Variants in INTS1 observed in about 807,000 individuals in gnomAD.
The protein encoded by INTS1 is integrator complex subunit 1.
A neutral mutation model predicts 241.6 loss-of-function variants in INTS1; 137 were observed. That is an observed-to-expected ratio of 0.57 (90% CI 0.49 to 0.65). INTS1 has a LOEUF of 0.65. Ranked by LOEUF, INTS1 falls within the 30% of genes least tolerant of loss-of-function variation. The pLI, the probability that INTS1 is intolerant of heterozygous loss-of-function variation, is 0.00. For missense variants in INTS1, 3,073 were observed against 3,032.2 expected, an observed-to-expected ratio of 1.01 and a Z score of -0.32; for synonymous variants, 1,692 against 1,337.8, an observed-to-expected ratio of 1.26 and a Z score of -5.78.
intron 40 of INTS1, 84 bp from the exon 41 acceptor site, chr7:1,474,444 C>A: frequency 1.4e-6 from 2 of 1,398,912 alleles, no homozygotes; most frequent in East Asian, 2.5e-5. Context: ...CTGCCTGCCC[C>A]GGGAGCCAGA....
At chr7:1,498,895 G>C (rs779389864) in intron 8 of INTS1, 43 bp from the exon 9 acceptor site, 1 of 1,558,422 alleles carries the variant, frequency 6.4e-7, no homozygotes, top group African/African-American at 1.4e-5. Flanking sequence ...GGCCACCCCG[G>C]CAGGAAGACC....
At chr7:1,479,869 G>A (rs1227288239) in intron 30 of INTS1, among the ~76,000 whole-genome samples, 185 bp from the exon 31 acceptor site, 1 of 152,230 alleles carries the variant, frequency 6.6e-6, no homozygotes, top group Admixed American at 6.5e-5. Flanking sequence ...GTGAAGCAGT[G>A]AGGGACCCCA....
chr7:1,495,115 A>AGTGGACGAGC (rs5881898), intron 13 of INTS1, among the ~76,000 whole-genome samples: 1 of 151,610 alleles, frequency 6.6e-6, no homozygotes, highest in Non-Finnish European at 1.5e-5. Context: ...CGGGCTGGAC[A>AGTGGACGAGC]GCCCTTTACA....
chr7:1,480,166 G>A (rs952946893), intron 30 of INTS1, 151 bp downstream of exon 30: 122 of 861,570 alleles, frequency 1.4e-4, no homozygotes, highest in African/African-American at 1.0e-3. Flanking sequence ...AGGGTCAGGC[G>A]GTCACGCGTG....
chr7:1,477,657 G>A lies in INTS1; in HGVS notation c.4831C>T (p.Leu1611=), dbSNP rs766248517. The stretch of plus-strand genomic sequence containing the variant: ...ACTAGGAGGCCTGACGAGGGCCCCA[G>A]CCGCACGGCCTCCAGGCTGCAGGGA... ...ADGGSLEAVR[L]GPSSGLLVDW... The change falls in exon 35 of 48, where the codon CTG becomes TTG. Residue 1611 remains leucine (L), a synonymous_variant. Transcript: ENST00000404767. 2 of 1,594,338 alleles carry A rather than the reference G, an allele frequency of 1.3e-6. No homozygotes were observed. The highest frequency in any genetic ancestry group is 2.3e-5 in the East Asian group (1 of 44,160).
chr7:1,499,851 G>A (rs1434800188), intron 5 of INTS1, 33 bp downstream of exon 5: 8 of 1,599,464 alleles, frequency 5.0e-6, no homozygotes, highest in Non-Finnish European at 6.8e-6. Flanking sequence ...GTGGCGCTCT[G>A]CCATCTTCAC....
intron 10 of INTS1, 153 bp downstream of exon 10, chr7:1,498,259 C>CCCA: frequency 8.4e-7 from 1 of 1,192,298 alleles, no homozygotes; most frequent in Non-Finnish European, 1.2e-6. Flanking sequence ...CAACCTCATG[C>CCCA]CCACGTGAGT....
rs79245429 is a variant in INTS1, at chr7:1,498,511, G to C, written c.1326C>G (p.Ile442Met). 2.5e-6 allele frequency: 4 copies of C among 1,613,858 alleles called. No individual in the cohort carries two copies. The highest frequency in any genetic ancestry group is 3.4e-6 in the Non-Finnish European group (4 of 1,179,878). The change falls in exon 10 of 48, where the codon ATC becomes ATG. Residue 442 changes from isoleucine to methionine, a missense_variant. Physicochemically the swap from Ile to Met is conservative, Grantham distance 10. Coordinates refer to ENST00000404767, the MANE Select transcript of INTS1 (RefSeq NM_001080453.3). ...SAHKDNLGTT[I>M]KLVIFNELSS... ...AGAGCTCATTGAAGATCACCAACTTGATGGTGGTGCCCAGGTTGTCCTTGT... is the reference window on the plus strand; with the variant it reads ...AGAGCTCATTGAAGATCACCAACTTCATGGTGGTGCCCAGGTTGTCCTTGT...
Position 1,478,431 on chromosome 7 carries a change from C to A in INTS1, c.4565G>T (p.Arg1522Leu). The A allele has an allele frequency of 1.9e-6, 3 of 1,612,632 alleles. No homozygotes were observed. The highest frequency in any genetic ancestry group is 2.5e-6 in the Non-Finnish European group (3 of 1,179,804). Residue 1522 changes from arginine to leucine, a missense_variant, in exon 33 of 48, where the codon CGT (arginine) becomes CTT (leucine). By Grantham distance (102) the Arg-to-Leu change is moderately radical (BLOSUM62 -2). Coordinates refer to ENST00000404767, the MANE Select transcript of INTS1 (RefSeq NM_001080453.3). ...AGACCTCAGGGTGGCGATGACGGCACGGACGGTGGAGCTGACCACCTCCAG... is the reference window on the plus strand; with the variant it reads ...AGACCTCAGGGTGGCGATGACGGCAAGGACGGTGGAGCTGACCACCTCCAG... ...QDLEVVSSTVRAVIATLRSGE... is the reference protein window; with the variant it reads ...QDLEVVSSTVLAVIATLRSGE...
At chr7:1,475,250 T>G (rs1368818436) in intron 39 of INTS1, among the ~76,000 whole-genome samples, 1 of 151,946 alleles carries the variant, frequency 6.6e-6, no homozygotes, top group African/African-American at 2.4e-5. Flanking sequence ...CTGGGTGTGG[T>G]GGCACGTGCC....
At chr7:1,490,959 GCCA>G (rs776519327) in intron 16 of INTS1, among the ~76,000 whole-genome samples, 15 of 152,198 alleles carry the variant, frequency 9.9e-5, no homozygotes, top group Non-Finnish European at 1.9e-4. Flanking sequence ...GGCGCAACAG[GCCA>G]CCGACAGGGC....
Position 1,481,478 on chromosome 7 carries a change from G to A in INTS1, c.3714C>T (p.Asp1238=), listed in dbSNP as rs1781994420. The A allele has an allele frequency of 6.2e-7, 1 of 1,609,516 alleles. No individual in the cohort carries two copies. Among genetic ancestry groups the A allele is most frequent in the South Asian group, 1.1e-5 (1 of 91,050 alleles). The change falls in exon 28 of 48, where the codon GAC becomes GAT. Residue 1238 remains aspartate (D), a synonymous_variant. Transcript: ENST00000404767. This position sits in a 1 kb window ranked among gnomAD's most constrained non-coding sequence, Gnocchi z 6.8. ...ACAGCAGCAGCTGCTGCGGCTCCAGGTCCTGCAGGGCTGAGGGTGCACGCG... is the reference window on the plus strand; with the variant it reads ...ACAGCAGCAGCTGCTGCGGCTCCAGATCCTGCAGGGCTGAGGGTGCACGCG... ...VLRLVDAALQ[D]LEPQQLLLFV...
At chr7:1,499,184 G>A in intron 7 of INTS1, 23 bp from the exon 8 acceptor site, 1 of 1,606,098 alleles carries the variant, frequency 6.2e-7, no homozygotes, top group Non-Finnish European at 8.5e-7. Context: ...AGGGAGCGAG[G>A]AGGGAGGAAG....
chr7:1,473,498 A>G (rs1781569908), intron 42 of INTS1, 68 bp downstream of exon 42: 1 of 1,530,230 alleles, frequency 6.5e-7, no homozygotes, highest in Admixed American at 2.0e-5. Context: ...CTTCCCAGGA[A>G]CACCCTCCAG....
intron 22 of INTS1, 72 bp from the exon 23 acceptor site, chr7:1,485,541 A>G (rs368669984): frequency 1.4e-4 from 208 of 1,490,568 alleles, no homozygotes; most frequent in Non-Finnish European, 1.8e-4. Flanking sequence ...CCCCGGGAGC[A>G]CACGCATGGT....
Position 1,487,371 on chromosome 7 carries a change from G to T in INTS1, c.2595C>A (p.Leu865=). 1 of 1,610,452 alleles carries T rather than the reference G, an allele frequency of 6.2e-7. No homozygotes were observed. Among genetic ancestry groups the T allele is most frequent in the Non-Finnish European group, 8.5e-7 (1 of 1,178,718 alleles). Residue 865 remains leucine, a synonymous_variant, in exon 20 of 48, where the codon CTC becomes CTA. Transcript: ENST00000404767. The part of the protein sequence containing the change: ...SLNQSLRLGH[L]LCRSRNPDFL... ...AGTCAGGGTTTCGGCTGCGGCACAA[G>T]AGGTGCCCGAGGCGGAGGGACTGGT...
At chr7:1,499,709 G>C in intron 5 of INTS1, 77 bp from the exon 6 acceptor site, 1 of 1,507,930 alleles carries the variant, frequency 6.6e-7, no homozygotes, top group African/African-American at 1.4e-5. Context: ...CTGCTGCCCG[G>C]GGACTGGGTG....
At chr7:1,503,270 T>C (rs1783286176) in intron 2 of INTS1, 79 bp from the exon 3 acceptor site, 4 of 1,406,970 alleles carry the variant, frequency 2.8e-6, no homozygotes, top group Admixed American at 2.3e-5. Flanking sequence ...CCTCCTGTTA[T>C]GTCAGAGGGG....
At chr7:1,502,021 T>C (rs1262592027) in intron 3 of INTS1, among the ~76,000 whole-genome samples, 1 of 152,046 alleles carries the variant, frequency 6.6e-6, no homozygotes, top group Non-Finnish European at 1.5e-5. Flanking sequence ...CGTCGGGGAC[T>C]CACTCACAGG....
Sources: gnomAD v4.1 joint callset for allele counts (sites outside exome capture counted in the v4.1 genomes callset) on GRCh38, gnomAD v4.1.1 for gene constraint, Gnocchi (gnomAD v3.1) non-coding constraint, MANE v1.5 for transcripts, NCBI Gene and HGNC (gene_info 2026-07-23, HGNC 2026-07-21) for gene names.